Variants in WWC2 observed in about 807,000 individuals in gnomAD.
The protein encoded by WWC2 is protein WWC2.
Under a neutral mutation model 138.5 loss-of-function variants are expected in WWC2, and 101 were observed. That is an observed-to-expected ratio of 0.73 (90% CI 0.62 to 0.86). The LOEUF is 0.86. Among genes scored for constraint, WWC2 ranks in the 40% least tolerant of loss-of-function variants. The pLI, the probability that WWC2 is intolerant of heterozygous loss-of-function variation, is 0.00. For synonymous variants in WWC2, 558 were observed against 538.4 expected, an observed-to-expected ratio of 1.04 and a Z score of -0.50; for missense variants, 1,420 against 1,419.4, an observed-to-expected ratio of 1.00 and a Z score of -0.01.
chr4:183,302,834 C>T (rs200116732), intron 21 of WWC2, among the ~76,000 whole-genome samples: 11 of 152,224 alleles, frequency 7.2e-5, no homozygotes, highest in South Asian at 4.1e-4. Context: ...GAGGCCGAGA[C>T]GGGTAGATCA....
At chr4:183,205,409 G>A (rs1414480817) in intron 2 of WWC2, among the ~76,000 whole-genome samples, 1 of 152,142 alleles carries the variant, frequency 6.6e-6, no homozygotes, top group African/African-American at 2.4e-5. Context: ...TTGCAACATA[G>A]CTGTTTTATC....
At chr4:183,105,851 ATGCACTCCAGCC>A (rs936346110) in intron 1 of WWC2, among the ~76,000 whole-genome samples, 98 of 151,890 alleles carry the variant, frequency 6.5e-4, no homozygotes, top group African/African-American at 2.3e-3. Flanking sequence ...CATTGCGCCA[ATGCACTCCAGCC>A]TGGGTGACAG....
intron 1 of WWC2, among the ~76,000 whole-genome samples, chr4:183,190,337 T>A (rs1426157103): frequency 2.6e-5 from 4 of 152,226 alleles, no homozygotes; most frequent in Non-Finnish European, 4.4e-5. Context: ...TGTATTTGTT[T>A]TAATTTATAT....
intron 1 of WWC2, among the ~76,000 whole-genome samples, chr4:183,108,096 C>T (rs1309408964): frequency 6.6e-6 from 1 of 151,934 alleles, no homozygotes; most frequent in Non-Finnish European, 1.5e-5. Context: ...ATCATATGTG[C>T]AATGTATATA....
intron 4 of WWC2, among the ~76,000 whole-genome samples, chr4:183,214,865 TTC>T (rs1735709524): frequency 6.6e-6 from 1 of 152,216 alleles, no homozygotes; most frequent in African/African-American, 2.4e-5. Flanking sequence ...GATATCCTTA[TTC>T]TCATACTGTG....
At chr4:183,188,838 G>T (rs1419840595) in intron 1 of WWC2, among the ~76,000 whole-genome samples, 1 of 151,136 alleles carries the variant, frequency 6.6e-6, no homozygotes, top group African/African-American at 2.4e-5. Flanking sequence ...AGAGACGGGG[G>T]TTTCACCAAG....
chr4:183,226,085 C>CTT (rs111327544), intron 4 of WWC2, among the ~76,000 whole-genome samples: 7 of 144,316 alleles, frequency 4.9e-5, no homozygotes, highest in African/African-American at 1.6e-4. Context: ...CTTTTCTTTT[C>CTT]TTTTCTTTTC....
At position 183,239,176 on chromosome 4, in the gene WWC2, G is replaced by A. The variant is rs149994983; in HGVS notation, c.523-1007G>A. On this transcript the variant is annotated intron_variant, in intron 4 of 22. Transcript: ENST00000403733. The stretch of plus-strand genomic sequence containing the variant: ...CTAAAAACACAAAAACTAGCCAGGC[G>A]TGGTGGCGGGCGCCTGTAATCCCAG... Among the ~76,000 whole-genome samples, 27 of 152,166 alleles carry A rather than the reference G, an allele frequency of 1.8e-4. No homozygotes were observed. The East Asian group carries it at 4.1e-3, about 23-fold the overall frequency.
Position 183,317,153 on chromosome 4 carries a change from A to G in WWC2, c.*1424A>G, listed in dbSNP as rs1739467395. ...TTAAAGAAATCCAAAATTGTCTTAA[A>G]GGAATGGACCCCTTGAAGAAAAAAA... On this transcript the variant is annotated 3_prime_UTR_variant, in exon 23 of 23. Transcript: ENST00000403733. The G allele has an allele frequency of 6.6e-6, 1 of 150,944 alleles. No homozygotes were observed. The highest frequency in any genetic ancestry group is 2.1e-4 in the South Asian group (1 of 4,756). 9.4% of individuals were successfully genotyped at this position (150,944 alleles called of 1,614,324 possible).
chr4:183,188,909 G>A (rs1034225882), intron 1 of WWC2, among the ~76,000 whole-genome samples: 2 of 151,930 alleles, frequency 1.3e-5, no homozygotes, highest in African/African-American at 4.8e-5. Context: ...GCCTCCCAAA[G>A]TGCTGAGATT....
chr4:183,243,770 T>TGTGC (rs1448521144), intron 5 of WWC2, among the ~76,000 whole-genome samples: 4 of 150,908 alleles, frequency 2.7e-5, no homozygotes, highest in Non-Finnish European at 5.9e-5. Flanking sequence ...TGTGTGTGTG[T>TGTGC]GTGTGTGTGT....
chr4:183,114,400 A>G (rs1023943688), intron 1 of WWC2, among the ~76,000 whole-genome samples: 6 of 152,212 alleles, frequency 3.9e-5, no homozygotes, highest in Admixed American at 2.0e-4. Context: ...AATGCAAGAA[A>G]TACAAGGTGT....
intron 21 of WWC2, among the ~76,000 whole-genome samples, chr4:183,294,679 G>A (rs2175476): frequency 0.092 from 13,990 of 152,178 alleles, 718 homozygotes; most frequent in East Asian, 0.17. Flanking sequence ...TGGCAGATCC[G>A]AACAGTATGT....
chr4:183,249,886 T>A (rs768354215), intron 7 of WWC2, 34 bp from the exon 8 acceptor site: 2 of 1,558,114 alleles, frequency 1.3e-6, no homozygotes, highest in Non-Finnish European at 1.8e-6. Flanking sequence ...TTAGCAGAGT[T>A]AATTGACTTT....
At chr4:183,157,237 A>C (rs1270147725) in intron 1 of WWC2, among the ~76,000 whole-genome samples, 2 of 152,122 alleles carry the variant, frequency 1.3e-5, no homozygotes, top group Non-Finnish European at 2.9e-5. Flanking sequence ...CAGATCACTT[A>C]ATTGGGTCCT....
rs556004102 is a variant in WWC2, at chr4:183,218,731, C to T, written c.522+9706C>T. 1.4e-3 allele frequency among the ~76,000 whole-genome samples: 216 copies of T among 152,262 alleles called. 2 individuals carry two copies. The highest frequency in any genetic ancestry group is 6.8e-3 in the Middle Eastern group (2 of 294). On this transcript the variant is annotated intron_variant, in intron 4 of 22. Coordinates refer to ENST00000403733, the MANE Select transcript of WWC2 (RefSeq NM_024949.6). ...CGGAGACCCAGGAAAGCTGGCAGTG[C>T]AGATGAAGTCCAAAGGCAGTCTGTT...
At chr4:183,115,589 GT>G (rs1207250641) in intron 1 of WWC2, among the ~76,000 whole-genome samples, 2 of 152,188 alleles carry the variant, frequency 1.3e-5, no homozygotes, top group African/African-American at 4.8e-5. Flanking sequence ...TCTCATTGTG[GT>G]TTTGATTTGC....
chr4:183,191,477 ATACAT>A (rs1224740648), intron 1 of WWC2, among the ~76,000 whole-genome samples: 36 of 152,182 alleles, frequency 2.4e-4, no homozygotes, highest in Non-Finnish European at 3.8e-4. Flanking sequence ...CCCTTAAAAA[ATACAT>A]TAGGAAGCTA....
rs564294200 is a variant in WWC2, at chr4:183,188,481, G to A, written c.132-5118G>A. On this transcript the variant is annotated intron_variant, in intron 1 of 22. Transcript: ENST00000403733. Reference sequence around the variant, plus strand: ...TTGAACTCCTGACCTTAAGTGATCTGCCTGTCTCAGCATCCCAAAATGCTG... The same window carrying A: ...TTGAACTCCTGACCTTAAGTGATCTACCTGTCTCAGCATCCCAAAATGCTG... Among the ~76,000 whole-genome samples the A allele has an allele frequency of 3.3e-5, 5 of 152,094 alleles. No homozygotes were observed. The East Asian group carries it at 9.7e-4, about 29-fold the overall frequency.
Sources: gnomAD v4.1 joint callset for allele counts (sites outside exome capture counted in the v4.1 genomes callset) on GRCh38, gnomAD v4.1.1 for gene constraint, MANE v1.5 for transcripts, NCBI Gene and HGNC (gene_info 2026-07-23, HGNC 2026-07-21) for gene names.